The following DCAF11 variants were observed in gnomAD, a reference collection of about 807,000 sequenced individuals.
DCAF11 encodes DDB1 and CUL4 associated factor 11, also known as DDB1- and CUL4-associated factor 11.
DCAF11 carries 44 observed loss-of-function variants against 76.1 expected under a neutral mutation model. That is an observed-to-expected ratio of 0.58 (90% CI 0.45 to 0.74). The LOEUF (loss-of-function observed/expected upper bound fraction) is 0.74. Ranked by LOEUF, DCAF11 falls within the 30% of genes least tolerant of loss-of-function variation. DCAF11 has a pLI of 0.00. For missense variants in DCAF11, 604 were observed against 709.4 expected, an observed-to-expected ratio of 0.85 and a Z score of 1.69; for synonymous variants, 258 against 255.0, an observed-to-expected ratio of 1.01 and a Z score of -0.11.
Position 24,118,068 on chromosome 14 carries a change from G to A in DCAF11, c.490G>A (p.Asp164Asn). 1 of 1,611,506 alleles carries A rather than the reference G, an allele frequency of 6.2e-7. No individual in the cohort carries two copies. Among genetic ancestry groups the A allele is most frequent in the Non-Finnish European group, 8.5e-7 (1 of 1,179,038 alleles). Residue 164 changes from aspartate (D) to asparagine (N), a missense_variant, in exon 6 of 15, where the codon GAT becomes AAT. By Grantham distance (23) the Asp-to-Asn change is conservative. Transcript: ENST00000446197. ...SRVISHFLPNDLGFTDSYSQK... is the reference protein window; with the variant it reads ...SRVISHFLPNNLGFTDSYSQK... ...CTCCTTCCCTAGCTTCTTGCCCAAT[G>A]ATCTGGGCTTCACTGATAGCTACTC...
In DCAF11 at chr14:24,117,261, C is replaced by T. The variant is rs370086589; in HGVS notation, c.284-5C>T. The T allele has an allele frequency of 2.5e-6, 4 of 1,614,012 alleles. No homozygotes were observed. In the African/African-American group the frequency reaches 5.3e-5, roughly 22 times the overall value. On this transcript the variant is annotated splice_polypyrimidine_tract_variant and splice_region_variant and intron_variant, in intron 3 of 14. Transcript: ENST00000446197. The surrounding 1 kb of genome is among the most constrained non-coding windows in gnomAD (Gnocchi z 4.3). ...TAGGATGAAACTTCTCCTTGGTACT[C>T]ACAGTGGATGCTACCCCTGACACCC... is the stretch of plus-strand genomic sequence containing the variant.
chr14:24,117,072 A>G lies in DCAF11; in HGVS notation c.283+28A>G, dbSNP rs751511135. On this transcript the variant is annotated intron_variant, in intron 3 of 14. Coordinates refer to ENST00000446197, the MANE Select transcript of DCAF11 (RefSeq NM_025230.5). This position sits in a 1 kb window ranked among gnomAD's most constrained non-coding sequence, Gnocchi z 4.3. ...AAGAGGAAAAGCCCCTAATGTTGGAAGACTTTTACTAGAAAACCTTTTAGT... is the reference window on the plus strand; with the variant it reads ...AAGAGGAAAAGCCCCTAATGTTGGAGGACTTTTACTAGAAAACCTTTTAGT... 17 of 1,613,902 alleles carry G rather than the reference A, an allele frequency of 1.1e-5. 1 individual carries two copies. The South Asian group carries it at 1.8e-4, about 17-fold the overall frequency.
In DCAF11 at chr14:24,120,949, C is replaced by CGTGATGCT; in HGVS notation, c.1204_1205insGTGATGCT (p.Gln402ArgfsTer22). On this transcript the variant is annotated frameshift_variant, in exon 12 of 15. Coordinates refer to ENST00000446197, the MANE Select transcript of DCAF11 (RefSeq NM_025230.5). LOFTEE classifies it high-confidence loss of function. ...GGAAGCTTCACGCCAGGCTGCCACA[C>CGTGATGCT]AGCAAAACTGGGACTATCGGTGGCA... is the stretch of plus-strand genomic sequence containing the variant. 1.2e-6 allele frequency: 2 copies of CGTGATGCT among 1,614,206 alleles called. No homozygotes were observed. The highest frequency in any genetic ancestry group is 4.5e-5 in the East Asian group (2 of 44,882).
intron 7 of DCAF11, 48 bp from the exon 8 acceptor site, chr14:24,118,702 C>G: frequency 6.2e-7 from 1 of 1,608,680 alleles, no homozygotes; most frequent in Non-Finnish European, 8.5e-7. Flanking sequence ...CACTTCCACT[C>G]TTCTTCCCCC....
intron 13 of DCAF11, 55 bp from the exon 14 acceptor site, chr14:24,122,916 G>A: frequency 1.3e-6 from 2 of 1,531,918 alleles, no homozygotes; most frequent in East Asian, 2.3e-5. Flanking sequence ...GGGAGGTGAG[G>A]GATAGTTTAG....
chr14:24,115,052 G>A lies in DCAF11; in HGVS notation c.-455G>A, dbSNP rs1179322856. ...GTGAGGCGAGGAAGGAGGGGTGTTA[G>A]GCCAAATTCTATTTTCATTGGCTGT... is the stretch of plus-strand genomic sequence containing the variant. On this transcript the variant is annotated 5_prime_UTR_variant, in exon 1 of 15. Coordinates refer to ENST00000446197, the MANE Select transcript of DCAF11 (RefSeq NM_025230.5). 3.1e-6 allele frequency: 3 copies of A among 983,084 alleles called. No individual in the cohort carries two copies. Among genetic ancestry groups the A allele is most frequent in the African/African-American group, 1.7e-5 (1 of 57,208 alleles). The allele number at this position is 983,084 out of a possible 1,614,324, so 60.9% of individuals were successfully genotyped here. A position where few individuals can be genotyped will look rare whatever the true frequency, so the allele number is the denominator to read the frequency against.
Position 24,117,196 on chromosome 14 carries a change from G to A in DCAF11, c.284-70G>A. The A allele has an allele frequency of 6.2e-7, 1 of 1,606,966 alleles. No individual in the cohort carries two copies. The highest frequency in any genetic ancestry group is 8.5e-7 in the Non-Finnish European group (1 of 1,175,284). Reference sequence around the variant, plus strand: ...TATATTCAGCCACAGGGGTGGGCTTGGGTACAGTTCTGCTAACTGTCCTCT... The same window carrying A: ...TATATTCAGCCACAGGGGTGGGCTTAGGTACAGTTCTGCTAACTGTCCTCT... On this transcript the variant is annotated intron_variant, in intron 3 of 14. Coordinates refer to ENST00000446197, the MANE Select transcript of DCAF11 (RefSeq NM_025230.5). This position sits in a 1 kb window ranked among gnomAD's most constrained non-coding sequence, Gnocchi z 4.3.
chr14:24,121,423 A>G lies in DCAF11; in HGVS notation c.1305A>G (p.Gly435=), dbSNP rs2037688427. The change falls in exon 13 of 15, where the codon GGA becomes GGG. Residue 435 remains glycine (G), a synonymous_variant. Transcript: ENST00000446197. The part of the protein sequence containing the change: ...DSSLMTYRGH[G]VLHTLIRCRF... The stretch of plus-strand genomic sequence containing the variant: ...CCTTGATGACCTACCGGGGCCACGG[A>G]GTGCTGCACACCCTCATCCGCTGCC... 1 of 1,614,204 alleles carries G rather than the reference A, an allele frequency of 6.2e-7. No individual in the cohort carries two copies. Among genetic ancestry groups the G allele is most frequent in the Non-Finnish European group, 8.5e-7 (1 of 1,180,040 alleles).
chr14:24,119,231 ATG>A lies in DCAF11; in HGVS notation c.848+20_848+21del. 6.2e-7 allele frequency: 1 copy of A among 1,614,048 alleles called. No individual in the cohort carries two copies. Among genetic ancestry groups the A allele is most frequent in the Non-Finnish European group, 8.5e-7 (1 of 1,179,936 alleles). ...CTAGGAGGGTAAGTGCTTGTGGGGT[ATG>A]TTTCCCTCAATAACAAGATGGGGGT... On this transcript the variant is annotated intron_variant, in intron 9 of 14. Transcript: ENST00000446197.
intron 11 of DCAF11, 50 bp from the exon 12 acceptor site, chr14:24,120,788 G>T: frequency 6.2e-7 from 1 of 1,601,662 alleles, no homozygotes. Context: ...ACTGACAGGC[G>T]CCGACATTTG....
chr14:24,115,381 G>A lies in DCAF11; in HGVS notation c.-213-1G>A. Reference sequence around the variant, plus strand: ...TCACTCTTGCTTTCTTTGCTTCACAGGATTGGAGAAGGTTTGTGTTCCCGA... The same window carrying A: ...TCACTCTTGCTTTCTTTGCTTCACAAGATTGGAGAAGGTTTGTGTTCCCGA... On this transcript the variant is annotated splice_acceptor_variant, in intron 1 of 14. Coordinates refer to ENST00000446197, the MANE Select transcript of DCAF11 (RefSeq NM_025230.5). LOFTEE classifies it low-confidence loss of function (5UTR_SPLICE). 1.9e-6 allele frequency: 1 copy of A among 540,396 alleles called. No individual in the cohort carries two copies. Among genetic ancestry groups the A allele is most frequent in the Non-Finnish European group, 3.1e-6 (1 of 324,960 alleles). 33.5% of individuals were successfully genotyped at this position (540,396 alleles called of 1,614,324 possible).
intron 9 of DCAF11, 165 bp downstream of exon 9, chr14:24,119,378 G>A (rs2037646932): frequency 8.4e-7 from 1 of 1,188,052 alleles, no homozygotes; most frequent in Non-Finnish European, 1.2e-6. Context: ...CATTTCCCCA[G>A]CACGAGATTG....
chr14:24,117,114 G>A lies in DCAF11; in HGVS notation c.283+70G>A, dbSNP rs905369424. Reference sequence around the variant, plus strand: ...CCTTTTAGTGATATTTTGAATGATAGGTTACATTGAAAGAAGGTACGATAA... The same window carrying A: ...CCTTTTAGTGATATTTTGAATGATAAGTTACATTGAAAGAAGGTACGATAA... On this transcript the variant is annotated intron_variant, in intron 3 of 14. Coordinates refer to ENST00000446197, the MANE Select transcript of DCAF11 (RefSeq NM_025230.5). This position sits in a 1 kb window ranked among gnomAD's most constrained non-coding sequence, Gnocchi z 4.3. 1.9e-6 allele frequency: 3 copies of A among 1,611,128 alleles called. No homozygotes were observed. Among genetic ancestry groups the A allele is most frequent in the African/African-American group, 2.7e-5 (2 of 74,698 alleles).
chr14:24,118,083 G>A lies in DCAF11; in HGVS notation c.505G>A (p.Asp169Asn), dbSNP rs1329490189. 1.2e-6 allele frequency: 2 copies of A among 1,612,502 alleles called. No individual in the cohort carries two copies. Among genetic ancestry groups the A allele is most frequent in the East Asian group, 2.2e-5 (1 of 44,870 alleles). Residue 169 changes from aspartate to asparagine, a missense_variant, in exon 6 of 15, where the codon GAT (aspartate) becomes AAT (asparagine). Transcript: ENST00000446197. ...HFLPNDLGFT[D>N]SYSQKAFCGI... ...CTTGCCCAATGATCTGGGCTTCACT[G>A]ATAGCTACTCTCAGAAGGCTTTCTG...
intron 7 of DCAF11, 67 bp from the exon 8 acceptor site, chr14:24,118,683 C>T: frequency 6.2e-7 from 1 of 1,603,384 alleles, no homozygotes; most frequent in Non-Finnish European, 8.5e-7. Context: ...TTGATCTCTT[C>T]CCTAGCTTCA....
At chr14:24,121,895 C>G (rs910229965) in intron 13 of DCAF11, 1 of 189,762 alleles carries the variant, frequency 5.3e-6, no homozygotes, top group African/African-American at 2.3e-5. Flanking sequence ...AAGAAATAAG[C>G]TGGCTGCAGT....
At position 24,115,533 on chromosome 14, in the gene DCAF11, C is replaced by A; in HGVS notation, c.-62C>A. On this transcript the variant is annotated 5_prime_UTR_variant, in exon 2 of 15. Coordinates refer to ENST00000446197, the MANE Select transcript of DCAF11 (RefSeq NM_025230.5). ...TTTCTAGAGCACGCTTTGCTTTCAC[C>A]AAACCCAAGGAGGTGACAGGAGGAG... 1 of 1,540,074 alleles carries A rather than the reference C, an allele frequency of 6.5e-7. No homozygotes were observed. The highest frequency in any genetic ancestry group is 8.7e-7 in the Non-Finnish European group (1 of 1,145,076).
At chr14:24,119,991 C>T in intron 11 of DCAF11, 95 bp downstream of exon 11, 1 of 1,403,260 alleles carries the variant, frequency 7.1e-7, no homozygotes, top group African/African-American at 1.4e-5. Context: ...TTGACAAGCT[C>T]CTTATTAACC....
intron 12 of DCAF11, 74 bp from the exon 13 acceptor site, chr14:24,121,291 G>C: frequency 1.3e-6 from 2 of 1,584,508 alleles, no homozygotes; most frequent in South Asian, 2.2e-5. Flanking sequence ...ATCGAACCTT[G>C]CTCAGGACTG....
Sources: gnomAD v4.1 joint callset for allele counts on GRCh38, gnomAD v4.1.1 for gene constraint, Gnocchi (gnomAD v3.1) non-coding constraint, MANE v1.5 for transcripts, NCBI Gene and HGNC (gene_info 2026-07-23, HGNC 2026-07-21) for gene names.